Variants in ERBB4 observed in about 807,000 individuals in gnomAD.
The protein encoded by ERBB4 is erb-b2 receptor tyrosine kinase 4.
In ERBB4, 42 loss-of-function variants were observed where a neutral mutation model predicts 158.0. That is an observed-to-expected ratio of 0.27 (90% CI 0.21 to 0.34). The LOEUF is 0.34. Ranked by LOEUF, ERBB4 falls within the 10% of genes least tolerant of loss-of-function variation. The probability of loss-of-function intolerance (pLI) is 1.00; values close to 1 mark genes in which losing one functional copy is unlikely to be tolerated. For synonymous variants in ERBB4, 583 were observed against 558.7 expected (o/e 1.04, Z -0.61); for missense variants, 1,333 against 1,624.1 (o/e 0.82, Z 3.08).
intron 16 of ERBB4, among the ~76,000 whole-genome samples, chr2:211,635,114 G>A (rs1373956989): frequency 6.6e-6 from 1 of 151,954 alleles, no homozygotes; most frequent in African/African-American, 2.4e-5. Flanking sequence ...TTTTTGTCTT[G>A]TCTTTTGGCT....
At chr2:211,960,557 A>C (rs905497936) in intron 2 of ERBB4, 1 of 152,106 alleles carries the variant, frequency 6.6e-6, no homozygotes, top group Non-Finnish European at 1.5e-5. Context: ...TCGGTCTTCT[A>C]TAGCAATTTA....
At chr2:212,274,241 C>T (rs1234552861) in intron 1 of ERBB4, among the ~76,000 whole-genome samples, 3 of 151,818 alleles carry the variant, frequency 2.0e-5, no homozygotes, top group Non-Finnish European at 4.4e-5. Flanking sequence ...TCAAGCAGTT[C>T]AACTTTTTCT....
intron 1 of ERBB4, among the ~76,000 whole-genome samples, chr2:212,522,533 A>G (rs1486110561): frequency 2.6e-5 from 4 of 151,968 alleles, no homozygotes; most frequent in Non-Finnish European, 5.9e-5. Flanking sequence ...AGAGCTCTGT[A>G]TAGGGGTAAG....
intron 1 of ERBB4, among the ~76,000 whole-genome samples, chr2:212,498,888 C>A (rs535644803): frequency 6.6e-6 from 1 of 152,036 alleles, no homozygotes; most frequent in South Asian, 2.1e-4. Flanking sequence ...TCAGAATATT[C>A]TTGAGTAACT....
At chr2:211,571,424 T>A (rs1473144713) in intron 19 of ERBB4, among the ~76,000 whole-genome samples, 1 of 152,194 alleles carries the variant, frequency 6.6e-6, no homozygotes, top group African/African-American at 2.4e-5. Context: ...GGCATTTTTT[T>A]TCTCTCGAGA....
chr2:212,284,620 G>A (rs1038075477), intron 1 of ERBB4, among the ~76,000 whole-genome samples: 2 of 152,072 alleles, frequency 1.3e-5, no homozygotes, highest in Non-Finnish European at 2.9e-5. Flanking sequence ...TGTTTTTGAA[G>A]TATTTGACAG....
chr2:212,328,754 G>A (rs981391269), intron 1 of ERBB4, among the ~76,000 whole-genome samples: 10 of 151,662 alleles, frequency 6.6e-5, no homozygotes, highest in African/African-American at 2.4e-4. Flanking sequence ...AAATTTTTAG[G>A]GTATAAGAAT....
At chr2:211,744,841 G>C (rs2074913550) in intron 5 of ERBB4, among the ~76,000 whole-genome samples, 1 of 152,182 alleles carries the variant, frequency 6.6e-6, no homozygotes, top group East Asian at 1.9e-4. Context: ...TGTATGGAAA[G>C]TCTCAAAGAA....
At chr2:211,485,488 C>T (rs992539328) in intron 20 of ERBB4, among the ~76,000 whole-genome samples, 1 of 152,202 alleles carries the variant, frequency 6.6e-6, no homozygotes, top group Non-Finnish European at 1.5e-5. Flanking sequence ...AGCTCAAGTT[C>T]TGTCTCTTCA....
intron 19 of ERBB4, among the ~76,000 whole-genome samples, chr2:211,584,554 A>G (rs1297186665): frequency 1.3e-5 from 2 of 152,070 alleles, no homozygotes; most frequent in Non-Finnish European, 2.9e-5. Context: ...ATTTTGATTT[A>G]GAACATAGAT....
intron 2 of ERBB4, among the ~76,000 whole-genome samples, chr2:211,974,418 A>G (rs2081546331): frequency 6.6e-6 from 1 of 152,144 alleles, no homozygotes; most frequent in African/African-American, 2.4e-5. Flanking sequence ...AGAAAAGAGC[A>G]TGGTGGAATA....
chr2:211,926,965 T>C (rs939524261), intron 3 of ERBB4, among the ~76,000 whole-genome samples: 9 of 152,186 alleles, frequency 5.9e-5, no homozygotes, highest in Admixed American at 6.6e-5. Context: ...TGTGTACTAA[T>C]ACATAAGACC....
intron 1 of ERBB4, among the ~76,000 whole-genome samples, chr2:212,191,941 T>G (rs1186515791): frequency 3.6e-5 from 4 of 110,298 alleles, no homozygotes; most frequent in Admixed American, 1.3e-4. Context: ...TTATATATGA[T>G]GCATATGTTA....
intron 20 of ERBB4, among the ~76,000 whole-genome samples, chr2:211,479,018 A>G (rs1433665464): frequency 6.6e-6 from 1 of 152,036 alleles, no homozygotes; most frequent in African/African-American, 2.4e-5. Context: ...TATGTATTCC[A>G]TACTTTGTTA....
At chr2:211,669,650 C>T (rs1179893059) in intron 14 of ERBB4, among the ~76,000 whole-genome samples, 2 of 152,154 alleles carry the variant, frequency 1.3e-5, no homozygotes, top group African/African-American at 4.8e-5. Context: ...TCTTTTATTT[C>T]CAATCTATCC....
At position 211,850,649 on chromosome 2, in the gene ERBB4, T is replaced by C. The variant is rs189091142; in HGVS notation, c.422-62490A>G. On this transcript the variant is annotated intron_variant, in intron 3 of 27. Transcript: ENST00000342788. The stretch of plus-strand genomic sequence containing the variant: ...TTCATTTCAGCTGGGGGAGCTGTCA[T>C]GTATGATTAGAAGGAGCAAGGTGTT... Among the ~76,000 whole-genome samples, 20 of 151,898 alleles carry C rather than the reference T, an allele frequency of 1.3e-4. No individual in the cohort carries two copies. The East Asian group carries it at 3.9e-3, about 30-fold the overall frequency.
chr2:211,894,759 A>AAT (rs1477824877), intron 3 of ERBB4, among the ~76,000 whole-genome samples: 1 of 152,146 alleles, frequency 6.6e-6, no homozygotes, highest in Non-Finnish European at 1.5e-5. Context: ...TAGTCTATGT[A>AAT]ATATTAAGAG....
At chr2:211,533,440 G>C (rs111635016) in intron 20 of ERBB4, among the ~76,000 whole-genome samples, 2,756 of 152,004 alleles carry the variant, frequency 0.018, 74 homozygotes, top group African/African-American at 0.064. Flanking sequence ...TAAAGAAATG[G>C]ATATTCATAA....
intron 20 of ERBB4, among the ~76,000 whole-genome samples, chr2:211,481,525 CTT>C (rs397974472): frequency 8.6e-5 from 12 of 139,356 alleles, no homozygotes; most frequent in Admixed American, 7.3e-5. Flanking sequence ...GGCTGGAAAT[CTT>C]TTTTTTTTTT....
Sources: gnomAD v4.1 joint callset for allele counts (sites outside exome capture counted in the v4.1 genomes callset) on GRCh38, gnomAD v4.1.1 for gene constraint, MANE v1.5 for transcripts, NCBI Gene and HGNC (gene_info 2026-07-23, HGNC 2026-07-21) for gene names.